CDH13: variants seen among roughly 807,000 people sequenced by gnomAD.
CDH13 encodes the protein cadherin-13.
Under a neutral mutation model 63.8 loss-of-function variants are expected in CDH13, and 24 were observed. The ratio of observed to expected loss-of-function variants is 0.38; its 90% confidence interval spans 0.27 to 0.53. CDH13 has a LOEUF of 0.53. Among genes scored for constraint, CDH13 ranks in the 20% least tolerant of loss-of-function variants. CDH13 has a pLI of 0.85. For missense variants in CDH13, 1,049 were observed against 903.1 expected (o/e 1.16, Z -2.07); for synonymous variants, 503 against 355.3 (o/e 1.42, Z -4.67).
chr16:83,382,353 A>C (rs2091583629), intron 6 of CDH13, among the ~76,000 whole-genome samples: 1 of 152,210 alleles, frequency 6.6e-6, no homozygotes, highest in African/African-American at 2.4e-5. Flanking sequence ...AATCAGGTAA[A>C]TTAATGGAAA....
chr16:82,811,627 A>G (rs1457305035), intron 1 of CDH13, among the ~76,000 whole-genome samples: 1 of 152,180 alleles, frequency 6.6e-6, no homozygotes, highest in Non-Finnish European at 1.5e-5. Context: ...TGTCCAGAAA[A>G]TGAGAAAAAA....
chr16:83,001,268 G>C (rs1271659821), intron 2 of CDH13, among the ~76,000 whole-genome samples: 2 of 152,204 alleles, frequency 1.3e-5, no homozygotes, highest in African/African-American at 4.8e-5. Context: ...AGTCGTTCTT[G>C]CAATTGAGAA....
intron 2 of CDH13, among the ~76,000 whole-genome samples, chr16:82,861,080 A>G (rs2039924741): frequency 1.3e-5 from 2 of 152,228 alleles, no homozygotes; most frequent in South Asian, 4.1e-4. Flanking sequence ...ATGAAAAACG[A>G]AAAGAACCAA....
At chr16:83,006,163 G>A (rs559036159) in intron 2 of CDH13, among the ~76,000 whole-genome samples, 2 of 152,128 alleles carry the variant, frequency 1.3e-5, no homozygotes, top group African/African-American at 2.4e-5. Flanking sequence ...TGGCAGCTCA[G>A]TGGGGGCATT....
chr16:83,287,410 A>G (rs760255276), intron 5 of CDH13, among the ~76,000 whole-genome samples: 44 of 152,222 alleles, frequency 2.9e-4, no homozygotes, highest in Non-Finnish European at 2.9e-5. Context: ...GCCAAGCTTC[A>G]TCTGTATTTA....
chr16:83,238,846 T>A (rs1011369634), intron 5 of CDH13, among the ~76,000 whole-genome samples: 4 of 152,216 alleles, frequency 2.6e-5, no homozygotes, highest in Non-Finnish European at 5.9e-5. Context: ...GAACTTTGTC[T>A]GGCATGGACA....
chr16:83,622,637 A>G (rs1398417542), intron 8 of CDH13, among the ~76,000 whole-genome samples: 2 of 152,246 alleles, frequency 1.3e-5, no homozygotes, highest in Admixed American at 1.3e-4. Flanking sequence ...AAAGCAAGAG[A>G]AACTTTAGTT....
intron 6 of CDH13, among the ~76,000 whole-genome samples, chr16:83,367,685 G>T (rs2151392532): frequency 6.6e-6 from 1 of 152,264 alleles, no homozygotes; most frequent in South Asian, 2.1e-4. Flanking sequence ...TAGCCTCCTT[G>T]CTAGGTGTAA....
At chr16:82,663,010 A>G (rs1912145385) in intron 1 of CDH13, among the ~76,000 whole-genome samples, 1 of 152,152 alleles carries the variant, frequency 6.6e-6, no homozygotes, top group Admixed American at 6.5e-5. Context: ...GGGCTAGCTG[A>G]CTTGTCTCTT....
At chr16:82,637,428 C>T (rs1191642145) in intron 1 of CDH13, among the ~76,000 whole-genome samples, 9 of 81,652 alleles carry the variant, frequency 1.1e-4, no homozygotes, top group Admixed American at 4.9e-4. Flanking sequence ...GTTACTGTGC[C>T]TTTTTTTTTT....
intron 2 of CDH13, among the ~76,000 whole-genome samples, chr16:82,902,773 G>A (rs1457048568): frequency 6.6e-6 from 1 of 152,052 alleles, no homozygotes; most frequent in African/African-American, 2.4e-5. Context: ...TTTGTTTTCT[G>A]TATTTCCCAC....
At chr16:83,705,957 A>G (rs1160829638) in intron 10 of CDH13, among the ~76,000 whole-genome samples, 1 of 152,122 alleles carries the variant, frequency 6.6e-6, no homozygotes, top group East Asian at 1.9e-4. Context: ...GCCCCCATTC[A>G]TGCATAACAA....
At chr16:82,878,372 G>C (rs2040577952) in intron 2 of CDH13, among the ~76,000 whole-genome samples, 1 of 151,720 alleles carries the variant, frequency 6.6e-6, no homozygotes. Context: ...CACTCTCTTT[G>C]CTCCTAATCA....
intron 6 of CDH13, among the ~76,000 whole-genome samples, chr16:83,472,141 G>A (rs551740046): frequency 6.6e-6 from 1 of 152,146 alleles, no homozygotes; most frequent in East Asian, 1.9e-4. Flanking sequence ...ACCCCATCAG[G>A]TGAAAACCAT....
chr16:83,673,402 T>C (rs1189817884), intron 9 of CDH13, among the ~76,000 whole-genome samples: 1 of 152,054 alleles, frequency 6.6e-6, no homozygotes, highest in African/African-American at 2.4e-5. Flanking sequence ...GCTCCAGACC[T>C]ATAACACTTG....
At chr16:83,558,246 C>G (rs9936800) in intron 7 of CDH13, among the ~76,000 whole-genome samples, 1,540 of 152,162 alleles carry the variant, frequency 0.01, 20 homozygotes, top group African/African-American at 0.035. Context: ...TTGGGATGTT[C>G]GCAGGTTGTA....
chr16:82,803,232 C>T (rs1197793833), intron 1 of CDH13, among the ~76,000 whole-genome samples: 2 of 152,184 alleles, frequency 1.3e-5, no homozygotes, highest in African/African-American at 4.8e-5. Flanking sequence ...GCTTGAATAG[C>T]ACCACAAAGA....
At chr16:82,885,142 A>T (rs909671033) in intron 2 of CDH13, among the ~76,000 whole-genome samples, 7 of 152,356 alleles carry the variant, frequency 4.6e-5, no homozygotes, top group South Asian at 4.1e-4. Context: ...AGAGATGGAT[A>T]CAAAGATGGA....
chr16:83,081,479 G>A (rs1165202711), intron 3 of CDH13, among the ~76,000 whole-genome samples: 1 of 152,202 alleles, frequency 6.6e-6, no homozygotes, highest in African/African-American at 2.4e-5. Context: ...AATGCACAGA[G>A]TGTACCACTT....
Sources: allele counts gnomAD v4.1 joint callset (sites outside exome capture counted in the v4.1 genomes callset), GRCh38; gene constraint gnomAD v4.1.1; transcripts MANE v1.5; gene names NCBI Gene and HGNC (gene_info 2026-07-23, HGNC 2026-07-21).